The following TRPM3 variants were observed in gnomAD, a reference collection of about 807,000 sequenced individuals.
TRPM3 encodes the protein transient receptor potential cation channel subfamily M member 3.
Under a neutral mutation model 181.2 loss-of-function variants are expected in TRPM3, and 77 were observed. The ratio of observed to expected loss-of-function variants is 0.42; its 90% CI spans 0.35 to 0.51. The LOEUF (loss-of-function observed/expected upper bound fraction) is 0.51. TRPM3 is among the 20% of genes least tolerant of loss of function. TRPM3 has a pLI of 0.01. For synonymous variants in TRPM3, 745 were observed against 796.4 expected, an observed-to-expected ratio of 0.94 and a Z score of 1.09; for missense variants, 1,759 against 2,196.7, an observed-to-expected ratio of 0.80 and a Z score of 3.98.
chr9:71,091,407 A>C (rs1476286097), intron 1 of TRPM3, among the ~76,000 whole-genome samples: 1 of 152,108 alleles, frequency 6.6e-6, no homozygotes, highest in Non-Finnish European at 1.5e-5. Context: ...GGGTTGGAGA[A>C]GGTAATATAG....
At chr9:70,936,753 T>A (rs1385497346) in intron 1 of TRPM3, among the ~76,000 whole-genome samples, 3 of 152,116 alleles carry the variant, frequency 2.0e-5, no homozygotes, top group Non-Finnish European at 1.5e-5. Context: ...CTCTCTTCAC[T>A]CCAGAAGAGA....
chr9:71,220,070 T>C (rs1408409155), intron 1 of TRPM3, among the ~76,000 whole-genome samples: 3 of 152,218 alleles, frequency 2.0e-5, no homozygotes, highest in African/African-American at 7.2e-5. Context: ...ATTCATTGTT[T>C]ATTGTATCTA....
chr9:70,924,037 A>T (rs2096693586), intron 1 of TRPM3, among the ~76,000 whole-genome samples: 1 of 151,630 alleles, frequency 6.6e-6, no homozygotes, highest in Non-Finnish European at 1.5e-5. Context: ...CCTTTAGAAC[A>T]TTGGTTCTCA....
At chr9:71,235,275 A>G (rs1321309534) in intron 1 of TRPM3, among the ~76,000 whole-genome samples, 1 of 152,172 alleles carries the variant, frequency 6.6e-6, no homozygotes, top group African/African-American at 2.4e-5. Context: ...CTCTGTTACA[A>G]TCTTTCTCAT....
intron 17 of TRPM3, 36 bp downstream of exon 17, chr9:70,618,830 TC>T (rs765453120): frequency 1.9e-6 from 3 of 1,574,520 alleles, no homozygotes. Flanking sequence ...CACCCGCCGG[TC>T]CTCATAGCCA....
intron 1 of TRPM3, among the ~76,000 whole-genome samples, chr9:71,373,976 C>T (rs574755110): frequency 2.0e-5 from 3 of 152,330 alleles, no homozygotes; most frequent in African/African-American, 7.2e-5. Flanking sequence ...TCAACATACA[C>T]AAATCAACGT....
intron 1 of TRPM3, among the ~76,000 whole-genome samples, chr9:71,237,065 G>T (rs2081395423): frequency 6.9e-6 from 1 of 145,706 alleles, no homozygotes; most frequent in African/African-American, 2.6e-5. Context: ...AAAAAAGGGG[G>T]GGGGAAAAAA....
At chr9:71,153,753 A>G (rs1368175787) in intron 1 of TRPM3, among the ~76,000 whole-genome samples, 1 of 152,040 alleles carries the variant, frequency 6.6e-6, no homozygotes, top group Non-Finnish European at 1.5e-5. Flanking sequence ...AGTGATTTGC[A>G]CCCTCATTGA....
At chr9:71,070,004 C>G (rs550325202) in intron 1 of TRPM3, among the ~76,000 whole-genome samples, 3 of 152,172 alleles carry the variant, frequency 2.0e-5, no homozygotes, top group Non-Finnish European at 4.4e-5. Context: ...CAGTCTAATA[C>G]TTTAATATGC....
chr9:70,921,822 A>C (rs968305507), intron 1 of TRPM3, among the ~76,000 whole-genome samples: 2 of 152,118 alleles, frequency 1.3e-5, no homozygotes, highest in African/African-American at 4.8e-5. Context: ...TCTTCCCAAC[A>C]GTCCTCAAGG....
chr9:71,275,582 G>A (rs2084139847), intron 1 of TRPM3, among the ~76,000 whole-genome samples: 1 of 152,024 alleles, frequency 6.6e-6, no homozygotes, highest in Non-Finnish European at 1.5e-5. Context: ...AATATGTAGG[G>A]AATTATGAAG....
At chr9:70,927,527 T>C (rs1004737732) in intron 1 of TRPM3, among the ~76,000 whole-genome samples, 1 of 152,230 alleles carries the variant, frequency 6.6e-6, no homozygotes, top group African/African-American at 2.4e-5. Flanking sequence ...TAAGGTTTTC[T>C]TATGGAGAAA....
At position 70,628,818 on chromosome 9, in the gene TRPM3, T is replaced by TAAAA. The variant is rs10699305; in HGVS notation, c.1633-3305_1633-3302dup. On this transcript the variant is annotated intron_variant, in intron 12 of 25. Transcript: ENST00000677713. ...TGGGCGACAGAGCAAGACTCTGTCT[T>TAAAA]AAAAAAAAAAAAAAAAAAAAAAAAT... 1.8e-3 allele frequency among the ~76,000 whole-genome samples: 164 copies of TAAAA among 89,542 alleles called. 2 individuals are homozygous for TAAAA. Among genetic ancestry groups the TAAAA allele is most frequent in the Middle Eastern group, 7.8e-3 (1 of 128 alleles). The allele number at this position is 89,542 out of a possible 152,430, so 58.7% of individuals were successfully genotyped here.
chr9:70,636,228 T>C (rs1445496652), intron 11 of TRPM3, among the ~76,000 whole-genome samples: 1 of 152,102 alleles, frequency 6.6e-6, no homozygotes, highest in Admixed American at 6.6e-5. Context: ...TTTCATATTA[T>C]TTTAATGTGT....
chr9:70,759,073 A>G (rs994560376), intron 8 of TRPM3, among the ~76,000 whole-genome samples: 7 of 152,238 alleles, frequency 4.6e-5, no homozygotes, highest in African/African-American at 1.7e-4. Context: ...AATTTTTGCA[A>G]TCTATCCATC....
At chr9:70,692,399 C>A (rs2068865269) in intron 8 of TRPM3, among the ~76,000 whole-genome samples, 2 of 152,142 alleles carry the variant, frequency 1.3e-5, no homozygotes, top group South Asian at 4.1e-4. Flanking sequence ...AAGTTTGGGG[C>A]TTTTGTCATA....
intron 8 of TRPM3, among the ~76,000 whole-genome samples, chr9:70,760,145 C>T (rs566919409): frequency 1.3e-5 from 2 of 151,878 alleles, no homozygotes; most frequent in African/African-American, 4.8e-5. Flanking sequence ...CATGAAATAC[C>T]TAGAAAAGTT....
At chr9:70,595,001 C>A (rs1282634315) in intron 21 of TRPM3, among the ~76,000 whole-genome samples, 1 of 152,206 alleles carries the variant, frequency 6.6e-6, no homozygotes, top group African/African-American at 2.4e-5. Context: ...CAAGTGTACT[C>A]ATTTTGTACT....
chr9:71,096,286 T>A (rs1218788747), intron 1 of TRPM3, among the ~76,000 whole-genome samples: 1 of 148,628 alleles, frequency 6.7e-6, no homozygotes, highest in Non-Finnish European at 1.5e-5. Context: ...TGATATCTAG[T>A]TGCCTTTAAA....
Sources: allele counts gnomAD v4.1 joint callset (sites outside exome capture counted in the v4.1 genomes callset), GRCh38; gene constraint gnomAD v4.1.1; transcripts MANE v1.5; gene names NCBI Gene and HGNC (gene_info 2026-07-23, HGNC 2026-07-21).